COMMD9: variants seen among roughly 807,000 people sequenced by gnomAD.
The protein encoded by COMMD9 is COMM domain containing 9, also known as COMM domain-containing protein 9.
Under a neutral mutation model 23.4 loss-of-function variants are expected in COMMD9, and 22 were observed. That is an observed-to-expected ratio of 0.94 (90% CI 0.67 to 1.34). COMMD9 has a LOEUF of 1.34. COMMD9 is among the 40% of genes most tolerant of loss of function. The pLI is 0.00. For synonymous variants in COMMD9, 99 were observed against 97.4 expected (o/e 1.02, Z -0.10); for missense variants, 231 against 240.2 (o/e 0.96, Z 0.25).
chr11:36,275,630 G>C (rs1451516705), intron 5 of COMMD9, among the ~76,000 whole-genome samples: 1 of 152,158 alleles, frequency 6.6e-6, no homozygotes, highest in Non-Finnish European at 1.5e-5. Flanking sequence ...TTTTGGTAGA[G>C]ATGCGGTTTC....
chr11:36,276,080 T>C, intron 5 of COMMD9, 57 bp downstream of exon 5: 1 of 1,299,380 alleles, frequency 7.7e-7, no homozygotes, highest in South Asian at 1.2e-5. Context: ...AGACTAGTGT[T>C]TTAGACGGCC....
chr11:36,284,088 A>G (rs1314292657), intron 1 of COMMD9, among the ~76,000 whole-genome samples: 1 of 147,826 alleles, frequency 6.8e-6, no homozygotes, highest in Admixed American at 6.8e-5. Context: ...CCTGGGTGAC[A>G]GAGCGAGACC....
At chr11:36,288,169 G>T (rs1342535248) in intron 1 of COMMD9, among the ~76,000 whole-genome samples, 2 of 152,016 alleles carry the variant, frequency 1.3e-5, no homozygotes, top group Non-Finnish European at 2.9e-5. Flanking sequence ...AGGTATTATT[G>T]TTCTACTTAT....
intron 1 of COMMD9, among the ~76,000 whole-genome samples, chr11:36,288,353 G>A (rs2133438632): frequency 7.3e-6 from 1 of 137,404 alleles, no homozygotes; most frequent in African/African-American, 2.9e-5. Flanking sequence ...CTCTTCACCT[G>A]GTGTTTAAAA....
At chr11:36,279,134 G>A (rs1856024728) in intron 2 of COMMD9, among the ~76,000 whole-genome samples, 1 of 152,200 alleles carries the variant, frequency 6.6e-6, no homozygotes, top group African/African-American at 2.4e-5. Context: ...CGTGACACAA[G>A]ATACCGGCTC....
intron 1 of COMMD9, among the ~76,000 whole-genome samples, chr11:36,288,792 T>A (rs896732313): frequency 6.6e-6 from 1 of 152,144 alleles, no homozygotes; most frequent in African/African-American, 2.4e-5. Context: ...AGAGCTAGAC[T>A]CCGTCTCAAA....
At chr11:36,287,106 CGT>C (rs1856174268) in intron 1 of COMMD9, among the ~76,000 whole-genome samples, 1 of 59,924 alleles carries the variant, frequency 1.7e-5, no homozygotes, top group African/African-American at 4.9e-5. Context: ...ATGTATATCG[CGT>C]AGTATGTATA....
chr11:36,287,069 T>TGTCA (rs1565359551), intron 1 of COMMD9, among the ~76,000 whole-genome samples: 1 of 138,204 alleles, frequency 7.2e-6, no homozygotes, highest in African/African-American at 2.8e-5. Flanking sequence ...ATACTATGTA[T>TGTCA]ATCGCGTAGT....
Position 36,276,480 on chromosome 11 carries a change from A to C in COMMD9, c.353-240T>G, listed in dbSNP as rs150927554. 3.4e-3 allele frequency: 1,540 copies of C among 457,222 alleles called. 12 individuals carry two copies. Among genetic ancestry groups the C allele is most frequent in the African/African-American group, 0.025 (1,292 of 52,150 alleles). 28.3% of individuals were successfully genotyped at this position (457,222 alleles called of 1,614,324 possible). A position where few individuals can be genotyped will look rare whatever the true frequency, so the allele number is the denominator to read the frequency against. On this transcript the variant is annotated intron_variant, in intron 4 of 5. Coordinates refer to ENST00000263401, the MANE Select transcript of COMMD9 (RefSeq NM_014186.4). Reference sequence around the variant, plus strand: ...GGCAGCGTATCCAGGCTTCTACCTGAACACCCAGCCCTCCAGATGTTAGGG... The same window carrying C: ...GGCAGCGTATCCAGGCTTCTACCTGCACACCCAGCCCTCCAGATGTTAGGG...
At chr11:36,279,074 A>G (rs551149390) in intron 2 of COMMD9, among the ~76,000 whole-genome samples, 22 of 152,224 alleles carry the variant, frequency 1.4e-4, no homozygotes, top group Admixed American at 3.9e-4. Flanking sequence ...GGACTTGCCT[A>G]TGTGTGGCTA....
chr11:36,273,387 A>G lies in COMMD9; in HGVS notation c.*1245T>C, dbSNP rs1441836261. 6.6e-6 allele frequency: 1 copy of G among 152,270 alleles called. No homozygotes were observed. Among genetic ancestry groups the G allele is most frequent in the African/African-American group, 2.4e-5 (1 of 41,464 alleles). The allele number at this position is 152,270 out of a possible 1,614,324, so 9.4% of individuals were successfully genotyped here. On this transcript the variant is annotated 3_prime_UTR_variant, in exon 6 of 6. Coordinates refer to ENST00000263401, the MANE Select transcript of COMMD9 (RefSeq NM_014186.4). ...GGAGTCCCTGTGAGGCGTGAGGCAC[A>G]TGACAGAGATGATCTCATTTGGTTA...
intron 1 of COMMD9, among the ~76,000 whole-genome samples, chr11:36,282,002 C>T (rs1256148174): frequency 6.6e-6 from 1 of 151,570 alleles, no homozygotes; most frequent in Non-Finnish European, 1.5e-5. Context: ...AATAAAATAA[C>T]CAAAATAAAA....
intron 2 of COMMD9, 129 bp from the exon 3 acceptor site, chr11:36,278,745 G>C: frequency 1.1e-6 from 1 of 869,866 alleles, no homozygotes; most frequent in Non-Finnish European, 1.7e-6. Context: ...TGAGTCACAA[G>C]TCCAGAGGCC....
intron 5 of COMMD9, among the ~76,000 whole-genome samples, chr11:36,275,633 G>A (rs1371019329): frequency 6.6e-6 from 1 of 152,160 alleles, no homozygotes; most frequent in African/African-American, 2.4e-5. Context: ...TGGTAGAGAT[G>A]CGGTTTCACC....
At chr11:36,287,620 AAAAAG>A (rs1590409440) in intron 1 of COMMD9, among the ~76,000 whole-genome samples, 1 of 151,966 alleles carries the variant, frequency 6.6e-6, no homozygotes, top group Admixed American at 6.5e-5. Context: ...ATTTTTTTAA[AAAAAG>A]AAAAGAAAGT....
rs1855902711 is a variant in COMMD9, at chr11:36,272,945, C to A, written c.*1687G>T. ...GATAATACTAATTCTCACACCAACT[C>A]TGTTATAGTAGATGAGACAATAAAT... On this transcript the variant is annotated 3_prime_UTR_variant, in exon 6 of 6. Coordinates refer to ENST00000263401, the MANE Select transcript of COMMD9 (RefSeq NM_014186.4). 1 of 152,212 alleles carries A rather than the reference C, an allele frequency of 6.6e-6. No homozygotes were observed. The highest frequency in any genetic ancestry group is 6.5e-5 in the Admixed American group (1 of 15,288). The allele number at this position is 152,212 out of a possible 1,614,324, so 9.4% of individuals were successfully genotyped here.
intron 4 of COMMD9, 25 bp from the exon 5 acceptor site, chr11:36,276,265 A>G (rs763793157): frequency 3.9e-6 from 6 of 1,523,694 alleles, no homozygotes; most frequent in East Asian, 4.5e-5. Flanking sequence ...GCTCAGCTCA[A>G]TGCTCATGCC....
chr11:36,276,416 A>G (rs1855974172), intron 4 of COMMD9, 176 bp from the exon 5 acceptor site: 1 of 583,604 alleles, frequency 1.7e-6, no homozygotes, highest in Non-Finnish European at 3.1e-6. Context: ...TGCCTTACCC[A>G]TTGCTCTGTG....
intron 5 of COMMD9, 89 bp downstream of exon 5, chr11:36,276,048 G>C: frequency 2.2e-6 from 2 of 911,786 alleles, no homozygotes; most frequent in Non-Finnish European, 3.6e-6. Flanking sequence ...AAAATATATG[G>C]GTTAGAGATC....
Sources: gnomAD v4.1 joint callset for allele counts (sites outside exome capture counted in the v4.1 genomes callset) on GRCh38, gnomAD v4.1.1 for gene constraint, MANE v1.5 for transcripts, NCBI Gene and HGNC (gene_info 2026-07-23, HGNC 2026-07-21) for gene names.